Variants in LRP1B observed in about 807,000 individuals in gnomAD.
LRP1B encodes the protein LDL receptor related protein 1B.
A neutral mutation model predicts 556.6 loss-of-function variants in LRP1B; 217 were observed. That is an observed-to-expected ratio of 0.39 (90% confidence interval 0.35 to 0.44). The LOEUF (loss-of-function observed/expected upper bound fraction) is 0.44, where lower values mean the gene tolerates loss of function less well. Ranked by LOEUF, LRP1B falls within the 20% of genes least tolerant of loss-of-function variation. LRP1B has a pLI of 1.00. For synonymous variants in LRP1B, 2,047 were observed against 1,865.8 expected (o/e 1.10, Z -2.50); for missense variants, 5,053 against 5,620.8 (o/e 0.90, Z 3.23).
chr2:141,217,264 T>G lies in LRP1B; in HGVS notation c.850+11919A>C, dbSNP rs146257938. 1.8e-4 allele frequency among the ~76,000 whole-genome samples: 27 copies of G among 152,280 alleles called. No individual in the cohort carries two copies. In the East Asian group the frequency reaches 5.0e-3, roughly 28 times the overall value. ...GATCTAAAGATGCATGGCAACTCCC[T>G]CCACTTTCTTGCTCCTAGTTTTGTA... is the stretch of plus-strand genomic sequence containing the variant. On this transcript the variant is annotated intron_variant, in intron 6 of 90. Transcript: ENST00000389484.
At chr2:141,835,897 T>C (rs1390402863) in intron 1 of LRP1B, among the ~76,000 whole-genome samples, 1 of 151,974 alleles carries the variant, frequency 6.6e-6, no homozygotes, top group Admixed American at 6.6e-5. Flanking sequence ...TCTAAATGTA[T>C]GATGATTCCT....
intron 21 of LRP1B, among the ~76,000 whole-genome samples, chr2:140,920,875 C>A (rs1285701955): frequency 6.6e-6 from 1 of 151,882 alleles, no homozygotes; most frequent in African/African-American, 2.4e-5. Flanking sequence ...ATTATTAAAT[C>A]GATAATCCAA....
At chr2:141,172,323 T>C (rs2105146691) in intron 7 of LRP1B, among the ~76,000 whole-genome samples, 1 of 152,124 alleles carries the variant, frequency 6.6e-6, no homozygotes, top group East Asian at 1.9e-4. Context: ...GTCAGAATAA[T>C]CCTTATGACA....
chr2:140,834,530 G>A lies in LRP1B; in HGVS notation c.5209+5461C>T, dbSNP rs748516084. ...TGGGATTACAAGCGTGAGCCCCCGC[G>A]CCTGGCCATAAATCTAAATTACAAT... On this transcript the variant is annotated intron_variant, in intron 31 of 90. Coordinates refer to ENST00000389484, the MANE Select transcript of LRP1B (RefSeq NM_018557.3). Among the ~76,000 whole-genome samples, 8 of 152,202 alleles carry A rather than the reference G, an allele frequency of 5.3e-5. No homozygotes were observed. In the East Asian group the frequency reaches 7.7e-4, roughly 15 times the overall value.
rs146156565 is a variant in LRP1B at position 142,120,310 on chromosome 2, C to T, written c.82+10338G>A. Among the ~76,000 whole-genome samples the T allele has an allele frequency of 4.0e-3, 605 of 152,212 alleles. 7 individuals are homozygous for T. The highest frequency in any genetic ancestry group is 0.014 in the African/African-American group (586 of 41,532). ...TATTTTTTGTAGAGACAGGGTTTCA[C>T]CATGTTGGCCAGGTTGGTCTCAAAC... On this transcript the variant is annotated intron_variant, in intron 1 of 90. Transcript: ENST00000389484.
chr2:141,692,651 G>A (rs1438571842), intron 2 of LRP1B, among the ~76,000 whole-genome samples: 1 of 151,934 alleles, frequency 6.6e-6, no homozygotes, highest in Non-Finnish European at 1.5e-5. Flanking sequence ...AAGGGTATAT[G>A]TTCTGAGAAA....
chr2:141,318,243 G>A (rs181751281), intron 3 of LRP1B, among the ~76,000 whole-genome samples: 1 of 152,134 alleles, frequency 6.6e-6, no homozygotes, highest in Non-Finnish European at 1.5e-5. Context: ...TGCTGTTTCT[G>A]TCTCAATCAA....
Position 142,034,588 on chromosome 2 carries a change from A to T in LRP1B, c.82+96060T>A, listed in dbSNP as rs528861545. The stretch of plus-strand genomic sequence containing the variant: ...ATTTACTTCTTACTGAAAGTGTATT[A>T]TGTATCATTTGCATTTTTAGTACTC... On this transcript the variant is annotated intron_variant, in intron 1 of 90. Coordinates refer to ENST00000389484, the MANE Select transcript of LRP1B (RefSeq NM_018557.3). Among the ~76,000 whole-genome samples, 42 of 151,866 alleles carry T rather than the reference A, an allele frequency of 2.8e-4. 1 individual carries two copies. The highest frequency in any genetic ancestry group is 6.8e-3 in the Middle Eastern group (2 of 294).
At chr2:141,000,584 G>A (rs1573967698) in intron 15 of LRP1B, among the ~76,000 whole-genome samples, 1 of 151,932 alleles carries the variant, frequency 6.6e-6, no homozygotes, top group Non-Finnish European at 1.5e-5. Context: ...ATACCCCAGT[G>A]AGCCTTTCTT....
intron 10 of LRP1B, among the ~76,000 whole-genome samples, chr2:141,054,335 G>A (rs1699120135): frequency 6.6e-6 from 1 of 151,818 alleles, no homozygotes; most frequent in Non-Finnish European, 1.5e-5. Context: ...TAAAAATAAT[G>A]GTGTTTGGGG....
intron 2 of LRP1B, among the ~76,000 whole-genome samples, chr2:141,492,970 T>C (rs1487013640): frequency 6.6e-6 from 1 of 152,178 alleles, no homozygotes; most frequent in East Asian, 1.9e-4. Context: ...CTGTCCTTTA[T>C]TGCATTCTGT....
At chr2:140,691,309 T>C (rs908109936) in intron 41 of LRP1B, among the ~76,000 whole-genome samples, 1 of 151,946 alleles carries the variant, frequency 6.6e-6, no homozygotes, top group African/African-American at 2.4e-5. Context: ...CCGTCTCTAC[T>C]AAAAATACAA....
At chr2:140,890,789 A>T (rs1277863920) in intron 23 of LRP1B, among the ~76,000 whole-genome samples, 1 of 152,096 alleles carries the variant, frequency 6.6e-6, no homozygotes, top group Non-Finnish European at 1.5e-5. Flanking sequence ...AATCATGAAG[A>T]TAGAATTTTA....
At chr2:140,989,448 C>A in intron 17 of LRP1B, 84 bp downstream of exon 17, 1 of 1,485,396 alleles carries the variant, frequency 6.7e-7, no homozygotes, top group Non-Finnish European at 9.3e-7. Context: ...TAGGAAAGTT[C>A]AGCTTAGTTC....
At chr2:141,666,803 C>G (rs1163252477) in intron 2 of LRP1B, among the ~76,000 whole-genome samples, 1 of 152,126 alleles carries the variant, frequency 6.6e-6, no homozygotes, top group Non-Finnish European at 1.5e-5. Context: ...AGGACAAACT[C>G]TAGGAGAAAC....
chr2:140,590,040 T>C (rs545503402), intron 43 of LRP1B, among the ~76,000 whole-genome samples: 92 of 152,194 alleles, frequency 6.0e-4, no homozygotes, highest in South Asian at 3.5e-3. Flanking sequence ...CTGTATTACT[T>C]TGTACAACTT....
At chr2:141,005,753 G>A (rs997320221) in intron 14 of LRP1B, among the ~76,000 whole-genome samples, 6 of 152,018 alleles carry the variant, frequency 3.9e-5, no homozygotes, top group African/African-American at 1.4e-4. Flanking sequence ...TAGTTTTCCA[G>A]ATTAGGCCTA....
At chr2:140,540,183 G>A (rs981470146) in intron 45 of LRP1B, among the ~76,000 whole-genome samples, 2 of 152,054 alleles carry the variant, frequency 1.3e-5, no homozygotes, top group African/African-American at 4.8e-5. Context: ...GATATGAGAT[G>A]AGGATATATT....
At chr2:140,528,717 G>C (rs547094559) in intron 47 of LRP1B, among the ~76,000 whole-genome samples, 1 of 151,966 alleles carries the variant, frequency 6.6e-6, no homozygotes, top group African/African-American at 2.4e-5. Context: ...GTAGGAGCAA[G>C]GTGACTGTGG....
Sources: gnomAD v4.1 joint callset for allele counts (sites outside exome capture counted in the v4.1 genomes callset) on GRCh38, gnomAD v4.1.1 for gene constraint, MANE v1.5 for transcripts, NCBI Gene and HGNC (gene_info 2026-07-23, HGNC 2026-07-21) for gene names.